TRPC4AP: variants seen among roughly 807,000 people sequenced by gnomAD.
TRPC4AP encodes short transient receptor potential channel 4-associated protein.
In TRPC4AP, 45 loss-of-function variants were observed where a neutral mutation model predicts 99.0. The ratio of observed to expected loss-of-function variants is 0.45; its 90% CI spans 0.36 to 0.58. The LOEUF is 0.58. TRPC4AP is among the 20% of genes least tolerant of loss of function. The pLI is 0.00. For synonymous variants in TRPC4AP, 408 were observed against 385.8 expected (o/e 1.06, Z -0.67); for missense variants, 879 against 985.3 (o/e 0.89, Z 1.44).
intron 17 of TRPC4AP, 34 bp from the exon 18 acceptor site, chr20:35,003,650 G>T: frequency 6.3e-7 from 1 of 1,595,816 alleles, no homozygotes. Flanking sequence ...GTCAGGGGCT[G>T]GTGGGAGCCC....
chr20:35,082,809 C>A (rs1426396106), intron 1 of TRPC4AP, among the ~76,000 whole-genome samples: 1 of 152,042 alleles, frequency 6.6e-6, no homozygotes, highest in African/African-American at 2.4e-5. Context: ...GATATGAATA[C>A]CTCAATTGAT....
rs2082884903 is a variant in TRPC4AP at position 35,021,359 on chromosome 20, G to A, written c.1052-3C>T. The A allele has an allele frequency of 6.2e-7, 1 of 1,612,754 alleles. No homozygotes were observed. The highest frequency in any genetic ancestry group is 1.3e-5 in the African/African-American group (1 of 74,902). On this transcript the variant is annotated splice_polypyrimidine_tract_variant and splice_region_variant and intron_variant, in intron 8 of 18. Coordinates refer to ENST00000252015, the MANE Select transcript of TRPC4AP (RefSeq NM_015638.3). The stretch of plus-strand genomic sequence containing the variant: ...TGGAGGAGGGAACACAATGGAGGCT[G>A]ACACAGCCACCGGAGACAGGATTGA...
chr20:35,029,925 C>A (rs1322907959), intron 8 of TRPC4AP, among the ~76,000 whole-genome samples: 2 of 133,162 alleles, frequency 1.5e-5, no homozygotes, highest in Non-Finnish European at 3.2e-5. Flanking sequence ...CGTGAGCCAC[C>A]GCGCCCAGCC....
chr20:35,003,642 C>A, intron 17 of TRPC4AP, 26 bp from the exon 18 acceptor site: 1 of 1,604,064 alleles, frequency 6.2e-7, no homozygotes, highest in South Asian at 1.1e-5. Context: ...CCCACAGGGT[C>A]AGGGGCTGGT....
chr20:35,034,348 C>A (rs1416988569), intron 8 of TRPC4AP, among the ~76,000 whole-genome samples: 5 of 151,916 alleles, frequency 3.3e-5, no homozygotes, highest in Non-Finnish European at 7.4e-5. Context: ...CAGTGTAAAA[C>A]CTCTGTACAT....
At chr20:35,057,846 T>C (rs1885119) in intron 3 of TRPC4AP, among the ~76,000 whole-genome samples, 89,215 of 152,014 alleles carry the variant, frequency 0.59, 27,167 homozygotes, top group Middle Eastern at 0.74. Flanking sequence ...TGGGATCTAA[T>C]GCGGCTTTAA....
At position 35,092,656 on chromosome 20, in the gene TRPC4AP, C is replaced by A. The variant is rs747594404; in HGVS notation, c.126G>T (p.Arg42=). 2.0e-6 allele frequency: 3 copies of A among 1,520,438 alleles called. No individual in the cohort carries two copies. Among genetic ancestry groups the A allele is most frequent in the Non-Finnish European group, 2.6e-6 (3 of 1,142,468 alleles). The allele number at this position is 1,520,438 out of a possible 1,614,324, so 94.2% of individuals were successfully genotyped here. A position where few individuals can be genotyped will look rare whatever the true frequency, so the allele number is the denominator to read the frequency against. ...GGCCCCGGCCGGTCAGCTGGCCCTGCCGCAGCTGCAGCAGAATGTTACCAG... is the reference window on the plus strand; with the variant it reads ...GGCCCCGGCCGGTCAGCTGGCCCTGACGCAGCTGCAGCAGAATGTTACCAG... ...PRPGNILLQL[R]QGQLTGRGLV... Residue 42 remains arginine (R), a synonymous_variant, in exon 1 of 19, where the codon CGG becomes CGT. Transcript: ENST00000252015.
At position 35,031,234 on chromosome 20, in the gene TRPC4AP, AT is replaced by A. The variant is rs552251021; in HGVS notation, c.1051+3888del. Reference sequence around the variant, plus strand: ...TTTCAAGATTTTCTTATCTTTCAGGATTTTTTTTTTTTCTTTTTGGAGGCAG... The same window carrying A: ...TTTCAAGATTTTCTTATCTTTCAGGATTTTTTTTTTTCTTTTTGGAGGCAG... On this transcript the variant is annotated intron_variant, in intron 8 of 18. Coordinates refer to ENST00000252015, the MANE Select transcript of TRPC4AP (RefSeq NM_015638.3). Among the ~76,000 whole-genome samples, 280 of 141,292 alleles carry A rather than the reference AT, an allele frequency of 2.0e-3. 1 individual carries two copies. Among genetic ancestry groups the A allele is most frequent in the South Asian group, 8.9e-3 (40 of 4,474 alleles). 92.7% of individuals were successfully genotyped at this position (141,292 alleles called of 152,430 possible).
intron 8 of TRPC4AP, among the ~76,000 whole-genome samples, chr20:35,026,993 T>C (rs1399687024): frequency 1.3e-5 from 2 of 152,142 alleles, no homozygotes; most frequent in African/African-American, 4.8e-5. Flanking sequence ...ATCCCATCTG[T>C]GAACAGTTTC....
At chr20:35,030,800 A>C (rs1482044086) in intron 8 of TRPC4AP, among the ~76,000 whole-genome samples, 1 of 152,236 alleles carries the variant, frequency 6.6e-6, no homozygotes, top group African/African-American at 2.4e-5. Context: ...TAACTGAAGA[A>C]AAGGAGAAGA....
chr20:35,061,283 A>G (rs2084000530), intron 3 of TRPC4AP, among the ~76,000 whole-genome samples: 1 of 152,258 alleles, frequency 6.6e-6, no homozygotes, highest in Non-Finnish European at 1.5e-5. Context: ...AAATAAGTTT[A>G]ACAAGTGCAA....
In TRPC4AP at chr20:35,092,577, T is replaced by TCCGCC. The variant is rs891217624; in HGVS notation, c.168+32_168+36dup. On this transcript the variant is annotated intron_variant, in intron 1 of 18. Transcript: ENST00000252015. ...CGGCCCCCCGCCAGCTCCCGCCTGG[T>TCCGCC]CCGCCCCGCCCCGCCCCTCCTGGTC... 9.9e-5 allele frequency: 141 copies of TCCGCC among 1,426,498 alleles called. 1 individual carries two copies. The East Asian group carries it at 3.4e-3, about 35-fold the overall frequency. 88.4% of individuals were successfully genotyped at this position (1,426,498 alleles called of 1,614,324 possible). A position where few individuals can be genotyped will look rare whatever the true frequency, so the allele number is the denominator to read the frequency against.
chr20:35,021,081 G>A (rs1039419341), intron 9 of TRPC4AP, 109 bp downstream of exon 9: 4 of 1,255,414 alleles, frequency 3.2e-6, no homozygotes, highest in Non-Finnish European at 4.4e-6. Context: ...GCTTTGCCAG[G>A]CTAAAGCGAG....
At chr20:35,047,465 T>C (rs2083586815) in intron 6 of TRPC4AP, among the ~76,000 whole-genome samples, 1 of 152,256 alleles carries the variant, frequency 6.6e-6, no homozygotes. Flanking sequence ...TTCTACTATA[T>C]AATATTCCAT....
chr20:35,090,820 T>A (rs1210154517), intron 1 of TRPC4AP, among the ~76,000 whole-genome samples: 2 of 152,200 alleles, frequency 1.3e-5, no homozygotes, highest in Admixed American at 1.3e-4. Context: ...GATGGGTGTT[T>A]AGGAACATAT....
chr20:35,067,576 T>C (rs1302213673), intron 3 of TRPC4AP, among the ~76,000 whole-genome samples: 2 of 152,294 alleles, frequency 1.3e-5, no homozygotes, highest in Admixed American at 6.5e-5. Context: ...AGAATGTTTA[T>C]AGCACTGTTA....
chr20:35,074,064 G>T (rs1377558553), intron 2 of TRPC4AP, among the ~76,000 whole-genome samples: 1 of 152,194 alleles, frequency 6.6e-6, no homozygotes, highest in Non-Finnish European at 1.5e-5. Context: ...TTTCCGTAGA[G>T]GTGTTTATAG....
At chr20:35,088,756 T>C (rs960659951) in intron 1 of TRPC4AP, among the ~76,000 whole-genome samples, 3 of 152,152 alleles carry the variant, frequency 2.0e-5, no homozygotes, top group Non-Finnish European at 4.4e-5. Context: ...ATCTGATTTT[T>C]TTTTCCAAGG....
At chr20:35,055,153 A>T (rs954055163) in intron 4 of TRPC4AP, 122 bp from the exon 5 acceptor site, 22 of 825,702 alleles carry the variant, frequency 2.7e-5, no homozygotes, top group Non-Finnish European at 3.9e-5. Context: ...TTTTCCTTTA[A>T]TATACTTCTT....
Sources: gnomAD v4.1 joint callset for allele counts (sites outside exome capture counted in the v4.1 genomes callset) on GRCh38, gnomAD v4.1.1 for gene constraint, MANE v1.5 for transcripts, NCBI Gene and HGNC (gene_info 2026-07-23, HGNC 2026-07-21) for gene names.